CALCOCO2: variants seen among roughly 807,000 people sequenced by gnomAD.
CALCOCO2 encodes calcium binding and coiled-coil domain 2.
Under a neutral mutation model 62.5 loss-of-function variants are expected in CALCOCO2, and 42 were observed. That is an observed-to-expected ratio of 0.67 (90% confidence interval 0.53 to 0.87). CALCOCO2 has a LOEUF of 0.87. CALCOCO2 is among the 40% of genes least tolerant of loss of function. The pLI is 0.00. For synonymous variants in CALCOCO2, 167 were observed against 173.0 expected (o/e 0.97, Z 0.27); for missense variants, 456 against 515.0 (o/e 0.89, Z 1.11).
intron 4 of CALCOCO2, chr17:48,848,707 T>A (rs909719203): frequency 1.7e-6 from 1 of 582,864 alleles, no homozygotes; most frequent in African/African-American, 1.9e-5. Context: ...AACTTTCCAA[T>A]TGCTTAATTT....
At chr17:48,832,429 T>A (rs1449880942) in intron 1 of CALCOCO2, among the ~76,000 whole-genome samples, 1 of 152,208 alleles carries the variant, frequency 6.6e-6, no homozygotes, top group Admixed American at 6.5e-5. Context: ...TTTGGCAGTA[T>A]GTATTGATAG....
At chr17:48,857,856 A>C (rs1409757676) in intron 10 of CALCOCO2, among the ~76,000 whole-genome samples, 2 of 149,802 alleles carry the variant, frequency 1.3e-5, no homozygotes, top group Non-Finnish European at 3.0e-5. Flanking sequence ...AGGCGCCTAT[A>C]GTCCCAGCTA....
chr17:48,846,376 A>G, intron 2 of CALCOCO2: 1 of 681,622 alleles, frequency 1.5e-6, no homozygotes, highest in Non-Finnish European at 2.5e-6. Context: ...TGGAGCCTAA[A>G]GCAGGAAGCA....
At chr17:48,837,965 C>T (rs1452677560) in intron 1 of CALCOCO2, among the ~76,000 whole-genome samples, 1 of 151,896 alleles carries the variant, frequency 6.6e-6, no homozygotes, top group African/African-American at 2.4e-5. Flanking sequence ...TATATGTGTG[C>T]CAGCCGGGCG....
chr17:48,839,190 G>A (rs1007585492), intron 1 of CALCOCO2, among the ~76,000 whole-genome samples: 2 of 150,908 alleles, frequency 1.3e-5, no homozygotes, highest in African/African-American at 2.4e-5. Context: ...TGTGTTTTTA[G>A]TAGAGACGGG....
chr17:48,841,894 G>A lies in CALCOCO2; in HGVS notation c.180+7G>A, dbSNP rs1190715990. On this transcript the variant is annotated splice_region_variant and intron_variant, in intron 2 of 12. Coordinates refer to ENST00000258947, the MANE Select transcript of CALCOCO2 (RefSeq NM_005831.5). ...TTGGATTGGCATCTTTAGAGTAAGT[G>A]GTTAATTCAGTACCAAGTGATCAGG... 1 of 1,599,726 alleles carries A rather than the reference G, an allele frequency of 6.3e-7. No homozygotes were observed. The highest frequency in any genetic ancestry group is 1.7e-5 in the Admixed American group (1 of 59,070).
At chr17:48,854,465 A>G (rs1342904955) in intron 9 of CALCOCO2, among the ~76,000 whole-genome samples, 2 of 104,456 alleles carry the variant, frequency 1.9e-5, no homozygotes, top group Non-Finnish European at 3.5e-5. Context: ...GAGTGCGCTG[A>G]CCTGATCTCA....
In CALCOCO2 at chr17:48,862,858, T is replaced by A. The variant is rs1444452797; in HGVS notation, c.1194T>A (p.Pro398=). 6.2e-7 allele frequency: 1 copy of A among 1,614,048 alleles called. No homozygotes were observed. Among genetic ancestry groups the A allele is most frequent in the Non-Finnish European group, 8.5e-7 (1 of 1,179,884 alleles). The change falls in exon 13 of 13, where the codon CCT becomes CCA. Residue 398 remains proline (P), a synonymous_variant. Transcript: ENST00000258947. ...SPSPLSIKKC[P]ICKADDICDH... is the part of the protein sequence containing the mutation. ...CCCAGCTCTCCATCAAGAAATGCCC[T>A]ATCTGCAAAGCAGATGATATTTGTG... is the stretch of plus-strand genomic sequence containing the variant.
At chr17:48,853,359 A>G (rs2040161134) in intron 9 of CALCOCO2, 1 of 169,078 alleles carries the variant, frequency 5.9e-6, no homozygotes, top group South Asian at 1.7e-4. Context: ...GCTCTACGAC[A>G]GGAAAATATA....
At chr17:48,839,699 G>A (rs1197418698) in intron 1 of CALCOCO2, among the ~76,000 whole-genome samples, 44 of 87,804 alleles carry the variant, frequency 5.0e-4, no homozygotes, top group Non-Finnish European at 7.2e-4. Context: ...TTTTTTAAAC[G>A]GAGTTTCACT....
chr17:48,863,187 C>T lies in CALCOCO2; in HGVS notation c.*182C>T, dbSNP rs949200318. ...AGGTCACTGTTAAGGGCTTCTGCTG[C>T]CATCCTTGTGGGTTGCTACCTTTAA... On this transcript the variant is annotated 3_prime_UTR_variant, in exon 13 of 13. Coordinates refer to ENST00000258947, the MANE Select transcript of CALCOCO2 (RefSeq NM_005831.5). 4.0e-5 allele frequency: 23 copies of T among 571,452 alleles called. No individual in the cohort carries two copies. Among genetic ancestry groups the T allele is most frequent in the Admixed American group, 3.2e-4 (11 of 34,054 alleles). 35.4% of individuals were successfully genotyped at this position (571,452 alleles called of 1,614,324 possible).
At chr17:48,842,866 C>A (rs371864229) in intron 2 of CALCOCO2, among the ~76,000 whole-genome samples, 4 of 151,884 alleles carry the variant, frequency 2.6e-5, no homozygotes, top group Non-Finnish European at 5.9e-5. Flanking sequence ...GTCTTGAATT[C>A]CTGACCTTGT....
intron 7 of CALCOCO2, 77 bp downstream of exon 7, chr17:48,851,705 G>A: frequency 1.2e-6 from 1 of 837,900 alleles, no homozygotes. Flanking sequence ...CTAGAAAGAT[G>A]TATTTCATTG....
chr17:48,858,051 GAAT>G lies in CALCOCO2; in HGVS notation c.1008+1866_1008+1868del, dbSNP rs1567759545. On this transcript the variant is annotated intron_variant, in intron 10 of 12. Transcript: ENST00000258947. ...ATAGAATAGAATAGAATAGAAAATA[GAAT>G]AGAATAGAATAGAATAGAATTTTAC... 2.6e-3 allele frequency among the ~76,000 whole-genome samples: 319 copies of G among 120,944 alleles called. 36 individuals are homozygous for G. Among genetic ancestry groups the G allele is most frequent in the Middle Eastern group, 3.9e-3 (1 of 254 alleles). The allele number at this position is 120,944 out of a possible 152,430, so 79.3% of individuals were successfully genotyped here.
intron 1 of CALCOCO2, among the ~76,000 whole-genome samples, chr17:48,834,523 TGGAATAA>T (rs1234927317): frequency 6.6e-6 from 1 of 152,216 alleles, no homozygotes; most frequent in African/African-American, 2.4e-5. Flanking sequence ...ATTTGAGGGT[TGGAATAA>T]GGAATTAGGT....
At chr17:48,851,820 GC>G in intron 7 of CALCOCO2, 192 bp downstream of exon 7, 2 of 486,166 alleles carry the variant, frequency 4.1e-6, no homozygotes, top group Non-Finnish European at 7.4e-6. Context: ...CCATGCCCCT[GC>G]TTTTAAAAAA....
intron 9 of CALCOCO2, among the ~76,000 whole-genome samples, chr17:48,854,561 A>G (rs1459960033): frequency 6.7e-6 from 1 of 148,480 alleles, no homozygotes; most frequent in Non-Finnish European, 1.5e-5. Context: ...ACCCGCCACG[A>G]TGCCCGGCTA....
Position 48,858,021 on chromosome 17 carries a change from A to G in CALCOCO2, c.1008+1834A>G, listed in dbSNP as rs185044938. Among the ~76,000 whole-genome samples the G allele has an allele frequency of 0.015, 210 of 13,874 alleles. 7 individuals carry two copies. The East Asian group carries it at 0.18, about 12-fold the overall frequency. 9.1% of individuals were successfully genotyped at this position (13,874 alleles called of 152,430 possible). A position where few individuals can be genotyped will look rare whatever the true frequency, so the allele number is the denominator to read the frequency against. ...ATAGAATAGAATAGAATAGAATAGA[A>G]TAGAATAGAATAGAATAGAATAGAA... is the stretch of plus-strand genomic sequence containing the variant. On this transcript the variant is annotated intron_variant, in intron 10 of 12. Transcript: ENST00000258947.
chr17:48,849,798 C>T (rs1300550508), intron 5 of CALCOCO2, among the ~76,000 whole-genome samples: 1 of 152,118 alleles, frequency 6.6e-6, no homozygotes, highest in Non-Finnish European at 1.5e-5. Context: ...GCCACCGTCC[C>T]TGTCTGAATA....
Sources: gnomAD v4.1 joint callset for allele counts (sites outside exome capture counted in the v4.1 genomes callset) on GRCh38, gnomAD v4.1.1 for gene constraint, MANE v1.5 for transcripts, NCBI Gene and HGNC (gene_info 2026-07-23, HGNC 2026-07-21) for gene names.